Variants in RGS12 observed in about 807,000 individuals in gnomAD.
RGS12 encodes regulator of G-protein signaling 12.
Under a neutral mutation model 120.1 loss-of-function variants are expected in RGS12, and 66 were observed. That is an observed-to-expected ratio of 0.55 (90% CI 0.45 to 0.67). The LOEUF (loss-of-function observed/expected upper bound fraction) is 0.67. Ranked by LOEUF, RGS12 falls within the 30% of genes least tolerant of loss-of-function variation. The probability of loss-of-function intolerance (pLI) is 0.00; values close to 1 mark genes in which losing one functional copy is unlikely to be tolerated. For synonymous variants in RGS12, 827 were observed against 804.7 expected, an observed-to-expected ratio of 1.03 and a Z score of -0.47; for missense variants, 1,859 against 1,957.7, an observed-to-expected ratio of 0.95 and a Z score of 0.95.
At chr4:3,354,189 A>T (rs114635209) in intron 3 of RGS12, among the ~76,000 whole-genome samples, 2,825 of 152,298 alleles carry the variant, frequency 0.019, 90 homozygotes, top group African/African-American at 0.064. Context: ...AGCTTGCCCC[A>T]GGAACACCTT....
the RGS12 span, among the ~76,000 whole-genome samples, chr4:3,286,377 C>T: frequency 6.6e-6 from 1 of 152,194 alleles, no homozygotes; most frequent in South Asian, 2.1e-4. Flanking sequence ...CCTCCTCCGG[C>T]CCTGAAAGCT....
At chr4:3,406,669 T>A (rs1392748679) in intron 4 of RGS12, among the ~76,000 whole-genome samples, 1 of 152,232 alleles carries the variant, frequency 6.6e-6, no homozygotes, top group Non-Finnish European at 1.5e-5. Flanking sequence ...GGGCCTCACC[T>A]GTGGTGTTAG....
intron 1 of RGS12, among the ~76,000 whole-genome samples, chr4:3,301,294 A>G (rs1414880879): frequency 2.6e-5 from 4 of 152,250 alleles, no homozygotes; most frequent in Admixed American, 6.5e-5. Flanking sequence ...AGAGGCTCAC[A>G]GTACTGTGAA....
At chr4:3,422,843 G>A in intron 11 of RGS12, 62 bp from the exon 12 acceptor site, 1 of 1,418,584 alleles carries the variant, frequency 7.0e-7, no homozygotes, top group Non-Finnish European at 1.0e-6. Context: ...TGGGGCACGT[G>A]GGTCTGCGTT....
intron 17 of RGS12, among the ~76,000 whole-genome samples, chr4:3,438,902 G>A (rs900582053): frequency 2.0e-5 from 3 of 152,148 alleles, no homozygotes; most frequent in Non-Finnish European, 2.9e-5. Flanking sequence ...GGGTGTGTAC[G>A]GTGAAGACGG....
chr4:3,439,419 C>A, intron 17 of RGS12, 36 bp from the exon 18 acceptor site: 1 of 1,609,414 alleles, frequency 6.2e-7, no homozygotes, highest in Non-Finnish European at 8.5e-7. Context: ...CAGGGCCGGG[C>A]CAGGCAAGTG....
chr4:3,406,457 G>A (rs1313129510), intron 4 of RGS12, among the ~76,000 whole-genome samples: 1 of 152,206 alleles, frequency 6.6e-6, no homozygotes, highest in Non-Finnish European at 1.5e-5. Context: ...TGTCCATCCG[G>A]GAGTCAGTAG....
In RGS12 at chr4:3,435,071, T is replaced by C. The variant is rs117467688; in HGVS notation, c.4114+4116T>C. Among the ~76,000 whole-genome samples the C allele has an allele frequency of 3.4e-3, 520 of 152,188 alleles. 10 individuals are homozygous for C. The East Asian group carries it at 0.059, about 17-fold the overall frequency. On this transcript the variant is annotated intron_variant, in intron 17 of 17. Coordinates refer to ENST00000336727, the MANE Select transcript of RGS12 (RefSeq NM_001394154.1). ...GCTGGGGTCCCCTGGGGCAGCTCACTGGGCGGGCTCAGGGGTCACTCAACC... is the reference window on the plus strand; with the variant it reads ...GCTGGGGTCCCCTGGGGCAGCTCACCGGGCGGGCTCAGGGGTCACTCAACC...
At chr4:3,297,315 TG>T (rs1723436080) in intron 1 of RGS12, among the ~76,000 whole-genome samples, 1 of 152,226 alleles carries the variant, frequency 6.6e-6, no homozygotes, top group African/African-American at 2.4e-5. Context: ...AGCGTCCAGT[TG>T]TAGGCATTCT....
chr4:3,336,419 A>C (rs1712471272), intron 2 of RGS12, among the ~76,000 whole-genome samples: 2 of 152,222 alleles, frequency 1.3e-5, no homozygotes, highest in Admixed American at 1.3e-4. Flanking sequence ...AGATGCGAAG[A>C]TGTGAGCTAG....
intron 9 of RGS12, chr4:3,419,300 C>T (rs966188727): frequency 1.3e-5 from 2 of 149,808 alleles, no homozygotes; most frequent in African/African-American, 4.9e-5. Context: ...CATTGAACTC[C>T]AGCCTGGGCA....
chr4:3,344,953 C>G (rs543857512), intron 3 of RGS12, among the ~76,000 whole-genome samples: 2 of 152,354 alleles, frequency 1.3e-5, no homozygotes, highest in East Asian at 1.9e-4. Flanking sequence ...TGGTTTGCCT[C>G]TTGAGCCCAT....
chr4:3,415,704 C>T (rs1277147214), intron 6 of RGS12, among the ~76,000 whole-genome samples: 3 of 152,246 alleles, frequency 2.0e-5, no homozygotes, highest in Admixed American at 6.5e-5. Flanking sequence ...AGGTGTGTGG[C>T]GACACACGGC....
chr4:3,340,494 G>T (rs746487403), intron 2 of RGS12, among the ~76,000 whole-genome samples: 2 of 152,218 alleles, frequency 1.3e-5, no homozygotes, highest in South Asian at 4.1e-4. Context: ...TGAGGCGGGC[G>T]CCCGGGGTGT....
At chr4:3,338,901 G>A (rs1578762581) in intron 2 of RGS12, among the ~76,000 whole-genome samples, 3 of 152,082 alleles carry the variant, frequency 2.0e-5, no homozygotes, top group Admixed American at 2.0e-4. Flanking sequence ...CGGCGGTGAT[G>A]ATCTGAATTT....
chr4:3,329,201 A>T (rs933176636), intron 2 of RGS12, among the ~76,000 whole-genome samples: 1 of 152,140 alleles, frequency 6.6e-6, no homozygotes, highest in African/African-American at 2.4e-5. Flanking sequence ...GGTGGGTGGG[A>T]GGAGCCTTCA....
At chr4:3,380,978 C>A (rs924176900) in intron 3 of RGS12, among the ~76,000 whole-genome samples, 3 of 152,176 alleles carry the variant, frequency 2.0e-5, no homozygotes, top group African/African-American at 7.2e-5. Flanking sequence ...TCTGTCACAT[C>A]GTCAGGCTGC....
At chr4:3,330,528 T>A (rs1346064126) in intron 2 of RGS12, among the ~76,000 whole-genome samples, 2 of 152,204 alleles carry the variant, frequency 1.3e-5, no homozygotes, top group Non-Finnish European at 2.9e-5. Context: ...ATTGGCAGCC[T>A]GTTCGCAACA....
At chr4:3,347,240 C>T (rs1042175406) in intron 3 of RGS12, among the ~76,000 whole-genome samples, 1 of 152,056 alleles carries the variant, frequency 6.6e-6, no homozygotes, top group Admixed American at 6.6e-5. Flanking sequence ...GTCAGGAGAT[C>T]GAGACCATCC....
Sources: allele counts gnomAD v4.1 joint callset (sites outside exome capture counted in the v4.1 genomes callset), GRCh38; gene constraint gnomAD v4.1.1; transcripts MANE v1.5; gene names NCBI Gene and HGNC (gene_info 2026-07-23, HGNC 2026-07-21).